NRK: variants seen among roughly 807,000 people sequenced by gnomAD.
NRK encodes the protein nik-related protein kinase.
In NRK, 67 loss-of-function variants were observed where a neutral mutation model predicts 125.2. The observed-to-expected ratio is 0.54, with a 90% confidence interval of 0.44 to 0.66. NRK has a LOEUF of 0.66. Ranked by LOEUF, NRK falls within the 30% of genes least tolerant of loss-of-function variation. The probability of loss-of-function intolerance (pLI) is 0.00; values close to 1 mark genes in which losing one functional copy is unlikely to be tolerated. For synonymous variants in NRK, 458 were observed against 429.0 expected (o/e 1.07, Z -0.84); for missense variants, 1,224 against 1,192.9 (o/e 1.03, Z -0.38).
At chrX:105,948,625 C>A in intron 26 of NRK, 1 of 482,537 alleles carries the variant, frequency 2.1e-6, no homozygotes, top group East Asian at 3.7e-5. Flanking sequence ...TCTTTTTTTT[C>A]TGATTCAATT....
chrX:105,830,428 G>A (rs1030907586), intron 1 of NRK, among the ~76,000 whole-genome samples: 1 of 104,818 alleles, frequency 9.5e-6, no homozygotes, highest in African/African-American at 3.5e-5. Context: ...TCATTAATAT[G>A]CCTCAGCCTT....
chrX:105,908,129 C>A, intron 11 of NRK, 111 bp from the exon 12 acceptor site: 2 of 438,457 alleles, frequency 4.6e-6, no homozygotes, highest in South Asian at 5.7e-5. Flanking sequence ...CCTTCTTGCC[C>A]TTGTAATTCA....
chrX:105,919,535 C>G lies in NRK; in HGVS notation c.2512+1863C>G, dbSNP rs1391662037. ...GCACACTGGCCACATTTCAAATGCT[C>G]AGTAGTCATGGGTGACTAATGACCA... On this transcript the variant is annotated intron_variant, in intron 16 of 28. Transcript: ENST00000243300. Among the ~76,000 whole-genome samples the G allele has an allele frequency of 9.9e-5, 11 of 111,648 alleles. No individual in the cohort carries two copies. In the Admixed American group the frequency reaches 1.0e-3, roughly 11 times the overall value.
At chrX:105,873,870 G>A (rs765216659) in intron 2 of NRK, among the ~76,000 whole-genome samples, 2 of 111,575 alleles carry the variant, frequency 1.8e-5, no homozygotes, top group South Asian at 7.6e-4. Context: ...CATTAAAAGG[G>A]CCTTATGTAC....
chrX:105,909,222 C>G lies in NRK; in HGVS notation c.1581C>G (p.Pro527=). ...PEEFQGQDQV[P]EQQRQGQAPE... ...AATTTCAGGGTCAAGATCAGGTACC[C>G]GAACAACAAAGGCAGGGCCAGGCCC... Residue 527 remains proline (P), a synonymous_variant, in exon 13 of 29, where the codon CCC becomes CCG. Transcript: ENST00000243300. 3.3e-6 allele frequency: 4 copies of G among 1,209,693 alleles called. No individual in the cohort carries two copies. The highest frequency in any genetic ancestry group is 4.5e-6 in the Non-Finnish European group (4 of 894,475).
chrX:105,900,458 C>G (rs1023679482), intron 8 of NRK, among the ~76,000 whole-genome samples, 160 bp from the exon 9 acceptor site: 22 of 111,842 alleles, frequency 2.0e-4, no homozygotes, highest in Middle Eastern at 4.7e-3. Context: ...CAGATTATGT[C>G]TTCCTATAAT....
chrX:105,840,818 T>A (rs1473440788), intron 2 of NRK, among the ~76,000 whole-genome samples: 1 of 108,285 alleles, frequency 9.2e-6, no homozygotes, highest in East Asian at 2.9e-4. Flanking sequence ...ATTTTGCTTT[T>A]GCGTATATAT....
chrX:105,909,187 G>T lies in NRK; in HGVS notation c.1546G>T (p.Val516Leu), dbSNP rs763188189. Residue 516 changes from valine to leucine, a missense_variant, in exon 13 of 29, where the codon GTA (valine) becomes TTA (leucine). Physicochemically the swap from Val to Leu is conservative, Grantham distance 32. Transcript: ENST00000243300. Reference sequence around the variant, plus strand: ...ATCAGAACCACAAGATTTGGACCAGGTACCAGAGGAATTTCAGGGTCAAGA... The same window carrying T: ...ATCAGAACCACAAGATTTGGACCAGTTACCAGAGGAATTTCAGGGTCAAGA... The part of the protein sequence containing the change: ...QTSEPQDLDQ[V>L]PEEFQGQDQV... 4.1e-6 allele frequency: 5 copies of T among 1,210,748 alleles called. No individual in the cohort carries two copies. Among genetic ancestry groups the T allele is most frequent in the Non-Finnish European group, 5.6e-6 (5 of 895,026 alleles).
chrX:105,863,050 G>A (rs2039622104), intron 2 of NRK, among the ~76,000 whole-genome samples: 1 of 111,626 alleles, frequency 9.0e-6, no homozygotes, highest in Non-Finnish European at 1.9e-5. Flanking sequence ...TGGTGGACAA[G>A]GAATAATACT....
In NRK at chrX:105,822,835, T is replaced by C; in HGVS notation, c.-11T>C. 1 of 1,169,448 alleles carries C rather than the reference T, an allele frequency of 8.6e-7. No homozygotes were observed. Among genetic ancestry groups the C allele is most frequent in the Non-Finnish European group, 1.1e-6 (1 of 873,236 alleles). On this transcript the variant is annotated 5_prime_UTR_variant, in exon 1 of 29. Coordinates refer to ENST00000243300, the MANE Select transcript of NRK (RefSeq NM_198465.4). ...ATTCAGTCGCCCGCTCCCGTTCGGC[T>C]CCTCGAAGCCATGGCGGGACCTGGG... is the stretch of plus-strand genomic sequence containing the variant.
In NRK at chrX:105,946,399, G is replaced by T. The variant is rs779651110; in HGVS notation, c.4288G>T (p.Ala1430Ser). 8.4e-7 allele frequency: 1 copy of T among 1,196,956 alleles called. No individual in the cohort carries two copies. The highest frequency in any genetic ancestry group is 1.8e-5 in the South Asian group (1 of 56,557). Residue 1430 changes from alanine to serine, a missense_variant, in exon 26 of 29, where the codon GCA (alanine) becomes TCA (serine). Coordinates refer to ENST00000243300, the MANE Select transcript of NRK (RefSeq NM_198465.4). ...AAGACTAAAGATTTTCTTCAGCTCAGCAGATGGATATCACCTCATCGATGC... is the reference window on the plus strand; with the variant it reads ...AAGACTAAAGATTTTCTTCAGCTCATCAGATGGATATCACCTCATCGATGC... ...EKRLKIFFSS[A>S]DGYHLIDAES... is the part of the protein sequence containing the mutation.
chrX:105,866,797 A>G (rs1044716992), intron 2 of NRK, among the ~76,000 whole-genome samples: 2 of 112,411 alleles, frequency 1.8e-5, no homozygotes, highest in Non-Finnish European at 3.8e-5. Flanking sequence ...AACAAATAGC[A>G]TAATAATTCA....
Position 105,949,668 on chromosome X carries a change from G to A in NRK, c.4447G>A (p.Val1483Met), listed in dbSNP as rs1432424209. ...CACCTTCAATGCTGAAGCCCTCTCTGTGGAAGCAAATGAACAACTCTTCAA... is the reference window on the plus strand; with the variant it reads ...CACCTTCAATGCTGAAGCCCTCTCTATGGAAGCAAATGAACAACTCTTCAA... ...MLTFNAEALS[V>M]EANEQLFKKI... is the part of the protein sequence containing the mutation. Residue 1483 changes from valine (V) to methionine (M), a missense_variant, in exon 27 of 29, where the codon GTG becomes ATG. Physicochemically the swap from Val to Met is conservative, Grantham distance 21 (BLOSUM62 1). Transcript: ENST00000243300. 2 of 1,201,978 alleles carry A rather than the reference G, an allele frequency of 1.7e-6. No individual in the cohort carries two copies. The highest frequency in any genetic ancestry group is 3.0e-5 in the East Asian group (1 of 33,702).
chrX:105,946,502 T>C (rs1280197639), intron 26 of NRK, 38 bp downstream of exon 26: 3 of 1,024,811 alleles, frequency 2.9e-6, no homozygotes, highest in Non-Finnish European at 4.0e-6. Flanking sequence ...AATTATTGTA[T>C]ACCACCATTT....
At chrX:105,895,162 G>A in intron 6 of NRK, 1 of 493,969 alleles carries the variant, frequency 2.0e-6, no homozygotes, top group Non-Finnish European at 3.6e-6. Flanking sequence ...AGGTAAAGTG[G>A]CCCAATGTAT....
chrX:105,939,981 G>A lies in NRK; in HGVS notation c.3907G>A (p.Glu1303Lys). ...RRQEEMLKTE[E>K]ACKAIDKLTG... is the part of the protein sequence containing the mutation. ...GCAAGAAGAAATGCTGAAGACAGAG[G>A]AAGCCTGCAAAGCTATTGATAAGTT... is the stretch of plus-strand genomic sequence containing the variant. Residue 1303 changes from glutamate to lysine, a missense_variant, in exon 23 of 29, where the codon GAA becomes AAA. By Grantham distance (56) the Glu-to-Lys change is moderately conservative (BLOSUM62 1). Transcript: ENST00000243300. 1 of 1,191,181 alleles carries A rather than the reference G, an allele frequency of 8.4e-7. No homozygotes were observed. Among genetic ancestry groups the A allele is most frequent in the East Asian group, 3.0e-5 (1 of 33,389 alleles).
chrX:105,917,444 C>A, intron 15 of NRK, 134 bp from the exon 16 acceptor site: 1 of 328,745 alleles, frequency 3.0e-6, no homozygotes, highest in South Asian at 1.3e-4. Flanking sequence ...AATTATTACT[C>A]AAGTTATACT....
At position 105,909,690 on chromosome X, in the gene NRK, G is replaced by GA; in HGVS notation, c.2055dup (p.Ser686IlefsTer28). 2.5e-6 allele frequency: 3 copies of GA among 1,187,926 alleles called. No homozygotes were observed. Among genetic ancestry groups the GA allele is most frequent in the Non-Finnish European group, 3.4e-6 (3 of 882,889 alleles). On this transcript the variant is annotated frameshift_variant, in exon 13 of 29. Coordinates refer to ENST00000243300, the MANE Select transcript of NRK (RefSeq NM_198465.4). LOFTEE classifies it high-confidence loss of function. ...ACTCACAACCAGAACAGGCACGGGA[G>GA]AAAAAATCAAAAGTTTCTACTCTGA...
chrX:105,896,805 T>G (rs1469067239), intron 7 of NRK, among the ~76,000 whole-genome samples: 1 of 111,938 alleles, frequency 8.9e-6, no homozygotes, highest in African/African-American at 3.3e-5. Context: ...ATTGTGCCAC[T>G]GCACTCTAGC....
Sources: gnomAD v4.1 joint callset for allele counts (sites outside exome capture counted in the v4.1 genomes callset) on GRCh38, gnomAD v4.1.1 for gene constraint, MANE v1.5 for transcripts, NCBI Gene and HGNC (gene_info 2026-07-23, HGNC 2026-07-21) for gene names.